The following ASB3 variants were observed in gnomAD, a reference collection of about 807,000 sequenced individuals.
ASB3 encodes the protein ankyrin repeat and SOCS box containing 3, also known as ankyrin repeat and SOCS box protein 3.
ASB3 carries 41 observed loss-of-function variants against 54.5 expected under a neutral mutation model. That is an observed-to-expected ratio of 0.75 (90% CI 0.59 to 0.98). ASB3 has a LOEUF of 0.98. ASB3 is among the 50% of genes least tolerant of loss of function. The probability of loss-of-function intolerance (pLI) is 0.00; values close to 1 mark genes in which losing one functional copy is unlikely to be tolerated. For missense variants in ASB3, 733 were observed against 620.0 expected (o/e 1.18, Z -1.94); for synonymous variants, 266 against 221.2 (o/e 1.20, Z -1.80).
intron 7 of ASB3, 127 bp from the exon 8 acceptor site, chr2:53,700,655 T>A: frequency 1.5e-6 from 2 of 1,310,096 alleles, no homozygotes; most frequent in African/African-American, 1.5e-5. Context: ...GGATGGTTTC[T>A]ACACATCTAG....
chr2:53,738,407 G>C (rs796433709), intron 3 of ASB3, among the ~76,000 whole-genome samples: 58 of 152,284 alleles, frequency 3.8e-4, no homozygotes, highest in African/African-American at 1.3e-3. Context: ...GAAGACAGAA[G>C]CTTCATTTGG....
At chr2:53,703,220 T>C (rs1669587054) in intron 7 of ASB3, among the ~76,000 whole-genome samples, 1 of 152,230 alleles carries the variant, frequency 6.6e-6, no homozygotes, top group African/African-American at 2.4e-5. Flanking sequence ...TCATTCGAGA[T>C]GGATTACTCA....
At chr2:53,780,994 G>A (rs1482225479) in intron 1 of ASB3, among the ~76,000 whole-genome samples, 2 of 152,170 alleles carry the variant, frequency 1.3e-5, no homozygotes, top group African/African-American at 4.8e-5. Context: ...TTTCTACGAT[G>A]ATGAAAATTG....
intron 7 of ASB3, among the ~76,000 whole-genome samples, chr2:53,713,610 T>C (rs1670225191): frequency 6.6e-6 from 1 of 152,154 alleles, no homozygotes; most frequent in East Asian, 1.9e-4. Flanking sequence ...TTATTTAGAC[T>C]CACATCCAAA....
intron 9 of ASB3, among the ~76,000 whole-genome samples, chr2:53,681,946 T>G (rs896407696): frequency 6.6e-6 from 1 of 151,940 alleles, no homozygotes; most frequent in African/African-American, 2.4e-5. Context: ...GATCACAAAG[T>G]CAGGAGTTCG....
intron 1 of ASB3, among the ~76,000 whole-genome samples, chr2:53,777,035 ATAC>A (rs1674377933): frequency 1.3e-5 from 2 of 152,090 alleles, no homozygotes; most frequent in African/African-American, 4.8e-5. Flanking sequence ...CCTTTCTAAA[ATAC>A]TATATTTCAG....
At chr2:53,757,538 T>G (rs1672903387) in intron 2 of ASB3, among the ~76,000 whole-genome samples, 1 of 152,124 alleles carries the variant, frequency 6.6e-6, no homozygotes, top group African/African-American at 2.4e-5. Context: ...AGCCCAAAAT[T>G]CTCCTTACTT....
At chr2:53,688,378 C>T (rs1433369178) in intron 9 of ASB3, among the ~76,000 whole-genome samples, 4 of 152,178 alleles carry the variant, frequency 2.6e-5, no homozygotes, top group African/African-American at 7.2e-5. Context: ...CAAATTGCTT[C>T]AGCAAGGAAA....
chr2:53,753,859 T>G (rs1672667481), intron 2 of ASB3, among the ~76,000 whole-genome samples: 1 of 152,072 alleles, frequency 6.6e-6, no homozygotes, highest in Non-Finnish European at 1.5e-5. Context: ...CAGGCTGGTC[T>G]CAAACTCCTG....
At chr2:53,761,215 C>A (rs1329350687) in intron 2 of ASB3, among the ~76,000 whole-genome samples, 1 of 152,100 alleles carries the variant, frequency 6.6e-6, no homozygotes, top group Non-Finnish European at 1.5e-5. Context: ...TCACACCTGA[C>A]CAATCAGGTA....
At chr2:53,740,434 G>T in intron 3 of ASB3, among the ~76,000 whole-genome samples, 1 of 151,910 alleles carries the variant, frequency 6.6e-6, no homozygotes. Context: ...TTCCAGTGTT[G>T]TCCATTTATT....
At chr2:53,739,241 G>A (rs986687941) in intron 3 of ASB3, among the ~76,000 whole-genome samples, 1 of 152,144 alleles carries the variant, frequency 6.6e-6, no homozygotes, top group Non-Finnish European at 1.5e-5. Context: ...GAAACTAGAA[G>A]CAGCCTTTGA....
rs1255571007 is a variant in ASB3 at position 53,670,477 on chromosome 2, T to C, written c.*26A>G. ...TCGATGATTTTTCAGAGAAAAAAAT[T>C]AGCTGTGTTAAGTAGTTTCACTGAT... On this transcript the variant is annotated 3_prime_UTR_variant, in exon 10 of 10. Coordinates refer to ENST00000263634, the MANE Select transcript of ASB3 (RefSeq NM_016115.5). The C allele has an allele frequency of 6.3e-7, 1 of 1,598,160 alleles. No individual in the cohort carries two copies. Among genetic ancestry groups the C allele is most frequent in the Non-Finnish European group, 8.5e-7 (1 of 1,176,172 alleles).
At chr2:53,752,004 T>C (rs1300694208) in intron 2 of ASB3, among the ~76,000 whole-genome samples, 1 of 152,206 alleles carries the variant, frequency 6.6e-6, no homozygotes, top group African/African-American at 2.4e-5. Context: ...ATGACCCTTA[T>C]TTCATGTATT....
intron 3 of ASB3, among the ~76,000 whole-genome samples, 194 bp downstream of exon 3, chr2:53,750,589 C>A (rs1452144283): frequency 6.6e-6 from 1 of 152,034 alleles, no homozygotes; most frequent in East Asian, 1.9e-4. Flanking sequence ...CCAGAAGCTA[C>A]CACCCAAGAA....
chr2:53,756,204 G>A (rs187120217), intron 2 of ASB3, among the ~76,000 whole-genome samples: 1 of 151,908 alleles, frequency 6.6e-6, no homozygotes, highest in Admixed American at 6.6e-5. Context: ...TAAAAATAAG[G>A]TAAGTCTAGA....
At chr2:53,759,755 C>A (rs553726721) in intron 2 of ASB3, among the ~76,000 whole-genome samples, 8 of 152,320 alleles carry the variant, frequency 5.3e-5, no homozygotes, top group African/African-American at 1.9e-4. Flanking sequence ...CTCGTCCATG[C>A]CCCTTATGTC....
In ASB3 at chr2:53,765,597, G is replaced by T; in HGVS notation, c.-13-12C>A. 6.2e-7 allele frequency: 1 copy of T among 1,614,112 alleles called. No homozygotes were observed. ...TTTGTTTGACCAGTCTACAAAACAA[G>T]GTAGAAGGATAATACTATAGTCAAT... On this transcript the variant is annotated splice_polypyrimidine_tract_variant and intron_variant, in intron 1 of 9. Transcript: ENST00000263634.
At chr2:53,716,534 G>C (rs1398096597) in intron 6 of ASB3, 32 bp downstream of exon 6, 1 of 1,597,294 alleles carries the variant, frequency 6.3e-7, no homozygotes, top group South Asian at 1.1e-5. Flanking sequence ...TTGATTAAGA[G>C]ACCATGTTTA....
Sources: gnomAD v4.1 joint callset for allele counts (sites outside exome capture counted in the v4.1 genomes callset) on GRCh38, gnomAD v4.1.1 for gene constraint, MANE v1.5 for transcripts, NCBI Gene and HGNC (gene_info 2026-07-23, HGNC 2026-07-21) for gene names.